CPXM2: variants seen among roughly 807,000 people sequenced by gnomAD.
CPXM2 encodes the protein carboxypeptidase X, M14 family member 2, also known as inactive carboxypeptidase-like protein X2.
A neutral mutation model predicts 86.1 loss-of-function variants in CPXM2; 66 were observed. That is an observed-to-expected ratio of 0.77 (90% confidence interval 0.63 to 0.94). The LOEUF (loss-of-function observed/expected upper bound fraction) is 0.94. Ranked by LOEUF, CPXM2 falls within the 40% of genes least tolerant of loss-of-function variation. The pLI is 0.00. For missense variants in CPXM2, 948 were observed against 1,026.3 expected, an observed-to-expected ratio of 0.92 and a Z score of 1.04; for synonymous variants, 388 against 400.2, an observed-to-expected ratio of 0.97 and a Z score of 0.36.
chr10:123,895,081 C>T (rs1258366865), upstream of CPXM2, among the ~76,000 whole-genome samples: 3 of 150,994 alleles, frequency 2.0e-5, no homozygotes, highest in African/African-American at 7.3e-5. Flanking sequence ...TGCCACTGGG[C>T]AACAACCATA....
intron 3 of CPXM2, among the ~76,000 whole-genome samples, chr10:123,862,209 G>A (rs571526563): frequency 1.3e-5 from 2 of 152,230 alleles, no homozygotes; most frequent in Non-Finnish European, 2.9e-5. Context: ...GAAGGTGTGT[G>A]TGTGGCAGAG....
At chr10:123,916,359 T>C (rs2134274796) in intron 2 of CPXM2, among the ~76,000 whole-genome samples, 2 of 152,200 alleles carry the variant, frequency 1.3e-5, no homozygotes, top group Middle Eastern at 6.8e-3. Flanking sequence ...TAGATAAGGC[T>C]CTGGATTGTT....
At chr10:123,912,207 AATT>A (rs1487918327) in intron 2 of CPXM2, among the ~76,000 whole-genome samples, 1 of 149,272 alleles carries the variant, frequency 6.7e-6, no homozygotes, top group Non-Finnish European at 1.5e-5. Context: ...GCCTGTGACC[AATT>A]ATTATTTTAG....
chr10:123,904,569 C>T (rs1945415292), intron 2 of CPXM2, among the ~76,000 whole-genome samples: 1 of 152,190 alleles, frequency 6.6e-6, no homozygotes, highest in African/African-American at 2.4e-5. Context: ...TGTCAGCTTC[C>T]TAAGTGTTTT....
intron 12 of CPXM2, among the ~76,000 whole-genome samples, chr10:123,755,459 T>C (rs1329724429): frequency 6.6e-6 from 1 of 152,188 alleles, no homozygotes. Flanking sequence ...TGCATTTCTT[T>C]TGGGTTCTTG....
chr10:123,790,306 GGAGCAGGTGACTAGGAGTGACTGAAGACA>G (rs1192999398), intron 6 of CPXM2, among the ~76,000 whole-genome samples: 1 of 139,724 alleles, frequency 7.2e-6, no homozygotes, highest in Non-Finnish European at 1.6e-5. Flanking sequence ...GACTCAGGAT[GGAGCAGGTGACTAGGAGTGACTGAAGACA>G]GAGCAGGTGA....
At chr10:123,775,743 T>C (rs1846769645) in intron 7 of CPXM2, among the ~76,000 whole-genome samples, 1 of 152,222 alleles carries the variant, frequency 6.6e-6, no homozygotes, top group Non-Finnish European at 1.5e-5. Context: ...CATGGGCCTT[T>C]GAAGAATCTT....
chr10:123,915,553 C>A (rs1186952069), intron 2 of CPXM2, among the ~76,000 whole-genome samples: 2 of 129,348 alleles, frequency 1.5e-5, no homozygotes, highest in Admixed American at 7.8e-5. Flanking sequence ...GCGAGATTGT[C>A]AAAAAAAATA....
chr10:123,912,162 T>A (rs960329082), intron 2 of CPXM2, among the ~76,000 whole-genome samples: 1 of 151,956 alleles, frequency 6.6e-6, no homozygotes. Context: ...CGGTTTCAGG[T>A]GTTTTCTCTT....
At chr10:123,881,229 T>TCCCCCCCCCCCCCC (rs1564811040) in intron 1 of CPXM2, among the ~76,000 whole-genome samples, 8 of 89,666 alleles carry the variant, frequency 8.9e-5, no homozygotes, top group African/African-American at 2.4e-4. Flanking sequence ...TGGAGCACCC[T>TCCCCCCCCCCCCCC]TCTCTTCCCT....
intron 6 of CPXM2, among the ~76,000 whole-genome samples, chr10:123,787,491 G>C (rs868191094): frequency 6.6e-6 from 1 of 151,968 alleles, no homozygotes; most frequent in Non-Finnish European, 1.5e-5. Context: ...CCACCACCAC[G>C]CCCGGCTAAT....
At chr10:123,904,954 A>G (rs1465577488) in intron 2 of CPXM2, among the ~76,000 whole-genome samples, 1 of 28,960 alleles carries the variant, frequency 3.5e-5, no homozygotes, top group African/African-American at 2.4e-4. Context: ...GTGCTCTGTG[A>G]AGCACAAGTC....
upstream of CPXM2, chr10:123,891,844 C>A (rs914746948): frequency 5.7e-6 from 1 of 175,880 alleles, no homozygotes; most frequent in East Asian, 1.9e-4. The surrounding 1 kb of genome is among the most constrained non-coding windows in gnomAD (Gnocchi z 5.6). Context: ...TGGGCCGGGG[C>A]GGACAGGGGC....
rs928480515 is a variant in CPXM2, at chr10:123,792,078, G to A, written c.889+5898C>T. On this transcript the variant is annotated intron_variant, in intron 6 of 13. Transcript: ENST00000241305. ...GCATTCTTGTTGTTGGAAAAGTAGC[G>A]ATTTAGCACCATTAGCGAGTCACAG... Among the ~76,000 whole-genome samples, 22 of 152,296 alleles carry A rather than the reference G, an allele frequency of 1.4e-4. No homozygotes were observed. In the South Asian group the frequency reaches 1.5e-3, roughly 10 times the overall value.
chr10:123,936,699 C>T (rs941509726), intron 2 of CPXM2, among the ~76,000 whole-genome samples: 1 of 152,190 alleles, frequency 6.6e-6, no homozygotes, highest in African/African-American at 2.4e-5. Context: ...TTCCTCAAGT[C>T]TCACACCCTG....
At chr10:123,804,330 A>G (rs2134079747) in intron 4 of CPXM2, among the ~76,000 whole-genome samples, 1 of 152,318 alleles carries the variant, frequency 6.6e-6, no homozygotes, top group African/African-American at 2.4e-5. Context: ...TATATACACC[A>G]ATTTTGGGGG....
chr10:123,847,785 G>A (rs1055819799), intron 3 of CPXM2, among the ~76,000 whole-genome samples: 1 of 152,206 alleles, frequency 6.6e-6, no homozygotes, highest in Non-Finnish European at 1.5e-5. Flanking sequence ...TATCTACAGA[G>A]CATTGACTAC....
At chr10:123,828,325 A>G (rs952065671) in intron 4 of CPXM2, among the ~76,000 whole-genome samples, 2 of 152,228 alleles carry the variant, frequency 1.3e-5, no homozygotes, top group Non-Finnish European at 2.9e-5. Flanking sequence ...TATAAGCAAA[A>G]TAAACCAACT....
At chr10:123,761,108 C>T (rs750742418) in intron 11 of CPXM2, among the ~76,000 whole-genome samples, 3 of 152,158 alleles carry the variant, frequency 2.0e-5, no homozygotes, top group South Asian at 2.1e-4. Flanking sequence ...ACATGTGGAC[C>T]GCGGGGCCCT....
Sources: allele counts gnomAD v4.1 joint callset (sites outside exome capture counted in the v4.1 genomes callset), GRCh38; gene constraint gnomAD v4.1.1; non-coding constraint Gnocchi (gnomAD v3.1); transcripts MANE v1.5; gene names NCBI Gene and HGNC (gene_info 2026-07-23, HGNC 2026-07-21).